Variants in KIAA0586 observed in about 807,000 individuals in gnomAD.
The protein encoded by KIAA0586 is protein TALPID3.
In KIAA0586, 144 loss-of-function variants were observed where a neutral mutation model predicts 169.8. The ratio of observed to expected loss-of-function variants is 0.85; its 90% CI spans 0.74 to 0.97. KIAA0586 has a LOEUF of 0.97. KIAA0586 is among the 50% of genes least tolerant of loss of function. KIAA0586 has a pLI of 0.00. For synonymous variants in KIAA0586, 625 were observed against 612.4 expected, an observed-to-expected ratio of 1.02 and a Z score of -0.30; for missense variants, 1,854 against 1,823.0, an observed-to-expected ratio of 1.02 and a Z score of -0.31.
chr14:58,554,196 G>C (rs1297514714), downstream of KIAA0586, among the ~76,000 whole-genome samples: 4 of 151,918 alleles, frequency 2.6e-5, no homozygotes, highest in Non-Finnish European at 5.9e-5. Flanking sequence ...CTAATGCCTT[G>C]TTGCCCAAAC....
At chr14:58,482,108 G>A (rs112471675) in intron 20 of KIAA0586, among the ~76,000 whole-genome samples, 26 of 151,042 alleles carry the variant, frequency 1.7e-4, no homozygotes, top group Non-Finnish European at 2.8e-4. Context: ...CACCGTGCCC[G>A]GCCGGCATCT....
intron 2 of KIAA0586, 44 bp downstream of exon 2, chr14:58,429,477 G>A (rs1272728664): frequency 1.8e-5 from 20 of 1,089,380 alleles, no homozygotes; most frequent in Non-Finnish European, 2.7e-5. Flanking sequence ...AAAATTTTCA[G>A]TATTGTCAAA....
rs745726585 is a variant in KIAA0586 at position 58,461,161 on chromosome 14, G to T, written c.2059+1G>T. 1 of 1,549,580 alleles carries T rather than the reference G, an allele frequency of 6.5e-7. No individual in the cohort carries two copies. Among genetic ancestry groups the T allele is most frequent in the East Asian group, 2.4e-5 (1 of 42,518 alleles). On this transcript the variant is annotated splice_donor_variant, in intron 14 of 30. Coordinates refer to ENST00000652326, the MANE Select transcript of KIAA0586 (RefSeq NM_001329943.3). LOFTEE classifies it high-confidence loss of function. ...CCAAAAGTAATAGAACGAGTTAAAG[G>T]TAAGGAATCTCATTTTTAATGTTTA...
chr14:58,512,894 A>C (rs2044490295), intron 29 of KIAA0586, among the ~76,000 whole-genome samples: 1 of 151,956 alleles, frequency 6.6e-6, no homozygotes, highest in African/African-American at 2.4e-5. Flanking sequence ...TTCTTGTTCA[A>C]TTGAATACCA....
chr14:58,484,104 A>C (rs2042212606), intron 21 of KIAA0586, among the ~76,000 whole-genome samples: 1 of 152,164 alleles, frequency 6.6e-6, no homozygotes, highest in Non-Finnish European at 1.5e-5. Context: ...CAGTGTAAAG[A>C]GCTTGGATTT....
intron 1 of KIAA0586, among the ~76,000 whole-genome samples, chr14:58,428,898 C>T (rs1452096919): frequency 6.6e-6 from 1 of 151,982 alleles, no homozygotes; most frequent in East Asian, 1.9e-4. Context: ...GTCTAGAGCT[C>T]AGTGAAAATA....
rs1487078229 is a variant in KIAA0586 at position 58,444,154 on chromosome 14, A to G, written c.786A>G (p.Gln262=). The change falls in exon 6 of 31, where the codon CAA becomes CAG. Residue 262 remains glutamine, a synonymous_variant. Coordinates refer to ENST00000652326, the MANE Select transcript of KIAA0586 (RefSeq NM_001329943.3). ...ACATAAGGCATCTTGAAAAGTTACA[A>G]CAACAACAAATAGATATTCAGGTAT... is the stretch of plus-strand genomic sequence containing the variant. ...EQHIRHLEKL[Q]QQQIDIQTHF... 6 of 1,609,966 alleles carry G rather than the reference A, an allele frequency of 3.7e-6. 1 individual carries two copies. In the South Asian group the frequency reaches 4.4e-5, roughly 12 times the overall value.
chr14:58,448,863 TCTC>T (rs2039124458), intron 7 of KIAA0586, among the ~76,000 whole-genome samples: 1 of 152,156 alleles, frequency 6.6e-6, no homozygotes, highest in Admixed American at 6.5e-5. Context: ...ATAAATCAGT[TCTC>T]CTGTTCTCTG....
chr14:58,536,914 T>C, intron 29 of KIAA0586: 1 of 525,314 alleles, frequency 1.9e-6, no homozygotes, highest in Non-Finnish European at 2.8e-6. Flanking sequence ...AAAATTTCCA[T>C]AGAAATGTTA....
Position 58,477,190 on chromosome 14 carries a change from AG to A in KIAA0586, c.2894del (p.Ser965IlefsTer13). On this transcript the variant is annotated frameshift_variant, in exon 20 of 31. Transcript: ENST00000652326. LOFTEE classifies it high-confidence loss of function. ...LFPVQQQIAP[S>X]ISVSVSETSE... The stretch of plus-strand genomic sequence containing the variant: ...TCCAGTCCAGCAACAGATTGCACCT[AG>A]TATCAGTGTTTCAGTCAGTGAGACA... 1.9e-6 allele frequency: 3 copies of A among 1,584,142 alleles called. No homozygotes were observed. Among genetic ancestry groups the A allele is most frequent in the Non-Finnish European group, 2.6e-6 (3 of 1,163,116 alleles).
chr14:58,431,367 A>C (rs894100251), intron 3 of KIAA0586, among the ~76,000 whole-genome samples: 1 of 152,060 alleles, frequency 6.6e-6, no homozygotes, highest in Non-Finnish European at 1.5e-5. Context: ...GGTTCAAGCA[A>C]TTGTCCTGCC....
chr14:58,509,913 A>T (rs1205307874), intron 28 of KIAA0586, among the ~76,000 whole-genome samples: 1 of 152,214 alleles, frequency 6.6e-6, no homozygotes, highest in African/African-American at 2.4e-5. Flanking sequence ...ACTGGGAGAA[A>T]ATATTTACAA....
intron 15 of KIAA0586, 90 bp downstream of exon 15, chr14:58,466,119 T>G: frequency 2.1e-6 from 2 of 962,744 alleles, no homozygotes; most frequent in Non-Finnish European, 3.1e-6. Flanking sequence ...TTTCACTGTG[T>G]GGCTCAGAGT....
At chr14:58,456,500 T>C (rs1314427546) in intron 9 of KIAA0586, among the ~76,000 whole-genome samples, 1 of 152,220 alleles carries the variant, frequency 6.6e-6, no homozygotes, top group African/African-American at 2.4e-5. Context: ...TTAGATAATT[T>C]TGTCTCTTGT....
chr14:58,495,516 T>G (rs2043107973), intron 26 of KIAA0586, among the ~76,000 whole-genome samples: 1 of 152,090 alleles, frequency 6.6e-6, no homozygotes, highest in African/African-American at 2.4e-5. Flanking sequence ...TAGGCTGATC[T>G]CCAACTTCTG....
rs192492545 is a variant in KIAA0586, at chr14:58,432,601, G to A, written c.410+144G>A. 23 of 506,772 alleles carry A rather than the reference G, an allele frequency of 4.5e-5. 1 individual carries two copies. Among genetic ancestry groups the A allele is most frequent in the South Asian group, 2.5e-4 (7 of 27,998 alleles). The allele number at this position is 506,772 out of a possible 1,614,324, so 31.4% of individuals were successfully genotyped here. A position where few individuals can be genotyped will look rare whatever the true frequency, so the allele number is the denominator to read the frequency against. On this transcript the variant is annotated intron_variant, in intron 4 of 30. Coordinates refer to ENST00000652326, the MANE Select transcript of KIAA0586 (RefSeq NM_001329943.3). ...AAGCATTTCTCATGGTGCTAGACACGTATAAAATACTCAGTAGCAGTTAGC... is the reference window on the plus strand; with the variant it reads ...AAGCATTTCTCATGGTGCTAGACACATATAAAATACTCAGTAGCAGTTAGC...
chr14:58,459,946 A>C lies in KIAA0586; in HGVS notation c.1760A>C (p.Gln587Pro). The C allele has an allele frequency of 1.3e-6, 2 of 1,532,940 alleles. No homozygotes were observed. The highest frequency in any genetic ancestry group is 1.7e-6 in the Non-Finnish European group (2 of 1,144,386). The allele number at this position is 1,532,940 out of a possible 1,614,324, so 95.0% of individuals were successfully genotyped here. Residue 587 changes from glutamine to proline, a missense_variant, in exon 13 of 31, where the codon CAA (glutamine) becomes CCA (proline). Physicochemically the swap from Gln to Pro is moderately conservative, Grantham distance 76. Transcript: ENST00000652326. ...NMTKDIRTNT[Q>P]DKTVNKSVIP... ...ACTAAAGATATTAGAACCAACACAC[A>C]AGATAAAACTGTCAACAAATCTGTA...
At chr14:58,507,357 A>G (rs1419260032) in intron 27 of KIAA0586, among the ~76,000 whole-genome samples, 1 of 140,754 alleles carries the variant, frequency 7.1e-6, no homozygotes, top group Non-Finnish European at 1.5e-5. Flanking sequence ...ATCATATATA[A>G]TATATCATAT....
Position 58,450,638 on chromosome 14 carries a change from C to A in KIAA0586, c.1021C>A (p.Pro341Thr). The A allele has an allele frequency of 6.2e-7, 1 of 1,611,376 alleles. No individual in the cohort carries two copies. The highest frequency in any genetic ancestry group is 8.5e-7 in the Non-Finnish European group (1 of 1,177,584). Residue 341 changes from proline to threonine, a missense_variant, in exon 8 of 31, where the codon CCA becomes ACA. By Grantham distance (38) the Pro-to-Thr change is conservative. Coordinates refer to ENST00000652326, the MANE Select transcript of KIAA0586 (RefSeq NM_001329943.3). ...FDKQKSPLETPAPRRFAPVPV... is the reference protein window; with the variant it reads ...FDKQKSPLETTAPRRFAPVPV... The stretch of plus-strand genomic sequence containing the variant: ...TAAACAGAAATCTCCTTTGGAGACA[C>A]CAGCACCTCGCAGATTTGCTCCTGT...
Sources: gnomAD v4.1 joint callset for allele counts (sites outside exome capture counted in the v4.1 genomes callset) on GRCh38, gnomAD v4.1.1 for gene constraint, MANE v1.5 for transcripts, NCBI Gene and HGNC (gene_info 2026-07-23, HGNC 2026-07-21) for gene names.